The following JAZF1 variants were observed in gnomAD, a reference collection of about 807,000 sequenced individuals.
JAZF1 encodes juxtaposed with another zinc finger protein 1.
JAZF1 carries 8 observed loss-of-function variants against 26.4 expected under a neutral mutation model. The ratio of observed to expected loss-of-function variants is 0.30; its 90% CI spans 0.18 to 0.55. The LOEUF is 0.55. JAZF1 is among the 20% of genes least tolerant of loss of function. JAZF1 has a pLI of 0.94. For synonymous variants in JAZF1, 126 were observed against 122.3 expected (o/e 1.03, Z -0.20); for missense variants, 199 against 322.0 (o/e 0.62, Z 2.92).
At chr7:28,055,622 A>G (rs1399176123) in intron 1 of JAZF1, among the ~76,000 whole-genome samples, 1 of 152,224 alleles carries the variant, frequency 6.6e-6, no homozygotes, top group Non-Finnish European at 1.5e-5. Flanking sequence ...TAATGTTTTA[A>G]TATCATTTAC....
At chr7:28,172,398 G>T (rs1346264430) in intron 1 of JAZF1, among the ~76,000 whole-genome samples, 1 of 152,128 alleles carries the variant, frequency 6.6e-6, no homozygotes, top group Non-Finnish European at 1.5e-5. Flanking sequence ...CTCGTGCAAT[G>T]ACTAACTTTA....
At chr7:28,119,433 T>C (rs1164686851) in intron 1 of JAZF1, among the ~76,000 whole-genome samples, 1 of 152,130 alleles carries the variant, frequency 6.6e-6, no homozygotes, top group Non-Finnish European at 1.5e-5. Flanking sequence ...ACTGCAGGCA[T>C]CTTCTGACTC....
At chr7:28,045,859 C>T (rs182248409) in intron 1 of JAZF1, among the ~76,000 whole-genome samples, 1 of 152,290 alleles carries the variant, frequency 6.6e-6, no homozygotes, top group East Asian at 1.9e-4. Flanking sequence ...CAGGAATGAG[C>T]CACTGTGCCT....
At chr7:27,853,154 G>C (rs188869039) in intron 3 of JAZF1, among the ~76,000 whole-genome samples, 2 of 152,184 alleles carry the variant, frequency 1.3e-5, no homozygotes, top group Admixed American at 1.3e-4. Context: ...GGTATCTACT[G>C]ATTTCCTACT....
intron 1 of JAZF1, among the ~76,000 whole-genome samples, chr7:28,048,467 C>T (rs899081588): frequency 6.6e-6 from 1 of 152,112 alleles, no homozygotes; most frequent in African/African-American, 2.4e-5. Flanking sequence ...TTATTTTCAG[C>T]ACTTCTAAGT....
chr7:28,051,131 C>CAAAAAAA (rs775277755), intron 1 of JAZF1, among the ~76,000 whole-genome samples: 2 of 96,534 alleles, frequency 2.1e-5, no homozygotes, highest in East Asian at 3.6e-4. Flanking sequence ...GACTCCATCT[C>CAAAAAAA]AAAAAAAAAA....
intron 3 of JAZF1, among the ~76,000 whole-genome samples, chr7:27,885,008 T>C (rs1783834209): frequency 6.6e-6 from 1 of 152,206 alleles, no homozygotes; most frequent in African/African-American, 2.4e-5. Flanking sequence ...GGACATTCTC[T>C]GCTCTGCACA....
intron 2 of JAZF1, among the ~76,000 whole-genome samples, chr7:27,965,601 T>C (rs1378279812): frequency 7.9e-5 from 12 of 152,244 alleles, no homozygotes. Context: ...CATTTGAGCA[T>C]ATTCAGTAAA....
At position 27,840,328 on chromosome 7, in the gene JAZF1, C is replaced by T. The variant is rs549302777; in HGVS notation, c.555+370G>A. 1.3e-5 allele frequency among the ~76,000 whole-genome samples: 2 copies of T among 152,236 alleles called. No homozygotes were observed. The highest frequency in any genetic ancestry group is 4.8e-5 in the African/African-American group (2 of 41,466). ...CCCGTGAGCCATCTGTAGGGCCATCCGTTGGGGAAGGTGCTTGGCAAATAA... is the reference window on the plus strand; with the variant it reads ...CCCGTGAGCCATCTGTAGGGCCATCTGTTGGGGAAGGTGCTTGGCAAATAA... On this transcript the variant is annotated intron_variant, in intron 4 of 4. Coordinates refer to ENST00000283928, the MANE Select transcript of JAZF1 (RefSeq NM_175061.4). The surrounding 1 kb of genome is among the most constrained non-coding windows in gnomAD (Gnocchi z 5.1).
chr7:28,042,254 T>C (rs1450253623), intron 1 of JAZF1, among the ~76,000 whole-genome samples: 1 of 152,124 alleles, frequency 6.6e-6, no homozygotes, highest in East Asian at 1.9e-4. Context: ...CTGATTACCG[T>C]GCAGGGTGTG....
Position 27,920,651 on chromosome 7 carries a change from C to T in JAZF1, c.189-25235G>A, listed in dbSNP as rs953799533. Among the ~76,000 whole-genome samples the T allele has an allele frequency of 5.3e-5, 8 of 152,252 alleles. No homozygotes were observed. The East Asian group carries it at 1.3e-3, about 26-fold the overall frequency. On this transcript the variant is annotated intron_variant, in intron 2 of 4. Coordinates refer to ENST00000283928, the MANE Select transcript of JAZF1 (RefSeq NM_175061.4). ...GAATAAGACCCTCTTCTTTCCTGGC[C>T]AGCAGCAAGTGCCTCCAGCTGTCTG... is the stretch of plus-strand genomic sequence containing the variant.
intron 3 of JAZF1, among the ~76,000 whole-genome samples, chr7:27,874,861 A>G (rs1783648391): frequency 6.6e-6 from 1 of 152,138 alleles, no homozygotes; most frequent in South Asian, 2.1e-4. Flanking sequence ...AAAACAGAAA[A>G]CAAAGCAGTG....
chr7:27,880,954 C>T (rs1485174989), intron 3 of JAZF1, among the ~76,000 whole-genome samples: 3 of 152,192 alleles, frequency 2.0e-5, no homozygotes, highest in Non-Finnish European at 2.9e-5. Flanking sequence ...GGATTATAGG[C>T]GTGAGCCACT....
In JAZF1 at chr7:27,849,752, G is replaced by GACACAC. The variant is rs72394231; in HGVS notation, c.386-8891_386-8886dup. 3.4e-4 allele frequency among the ~76,000 whole-genome samples: 37 copies of GACACAC among 108,472 alleles called. No individual in the cohort carries two copies. In the South Asian group the frequency reaches 0.01, roughly 30 times the overall value. The allele number at this position is 108,472 out of a possible 152,430, so 71.2% of individuals were successfully genotyped here. ...ATCAATATTGGAACCCTTACACACA[G>GACACAC]ACACACACACACACACACACACCCC... On this transcript the variant is annotated intron_variant, in intron 3 of 4. Transcript: ENST00000283928.
intron 1 of JAZF1, among the ~76,000 whole-genome samples, chr7:28,085,214 A>T (rs1433284394): frequency 1.3e-5 from 2 of 152,368 alleles, no homozygotes; most frequent in Non-Finnish European, 1.5e-5. Flanking sequence ...TGTTGAGAAG[A>T]TCTGAAACAT....
At position 27,831,964 on chromosome 7, in the gene JAZF1, C is replaced by G; in HGVS notation, c.*836G>C. On this transcript the variant is annotated 3_prime_UTR_variant, in exon 5 of 5. Transcript: ENST00000283928. Reference sequence around the variant, plus strand: ...GCACTGAAGTATTTCAAAGTCTTTTCTAACAGATTTCAGGGAAAAAAGTAT... The same window carrying G: ...GCACTGAAGTATTTCAAAGTCTTTTGTAACAGATTTCAGGGAAAAAAGTAT... The G allele has an allele frequency of 4.5e-6, 1 of 220,220 alleles. No individual in the cohort carries two copies. Among genetic ancestry groups the G allele is most frequent in the Non-Finnish European group, 9.1e-6 (1 of 109,618 alleles). 13.6% of individuals were successfully genotyped at this position (220,220 alleles called of 1,614,324 possible). A position where few individuals can be genotyped will look rare whatever the true frequency, so the allele number is the denominator to read the frequency against.
intron 1 of JAZF1, among the ~76,000 whole-genome samples, chr7:28,149,818 T>C (rs1309467669): frequency 6.6e-6 from 1 of 152,232 alleles, no homozygotes. Context: ...CTCATTTTCT[T>C]CCCATTGTCT....
In JAZF1 at chr7:28,041,024, T is replaced by G. The variant is rs561852578; in HGVS notation, c.116-49043A>C. The stretch of plus-strand genomic sequence containing the variant: ...TTTCTATTACATAGATAACACAGTG[T>G]GCTCTCAAAGACACAAATTCTTTCA... On this transcript the variant is annotated intron_variant, in intron 1 of 4. Transcript: ENST00000283928. Among the ~76,000 whole-genome samples, 29 of 152,300 alleles carry G rather than the reference T, an allele frequency of 1.9e-4. No individual in the cohort carries two copies. The Middle Eastern group carries it at 0.01, about 54-fold the overall frequency.
chr7:27,972,022 CAG>C (rs1240426081), intron 2 of JAZF1, among the ~76,000 whole-genome samples: 1 of 151,820 alleles, frequency 6.6e-6, no homozygotes, highest in African/African-American at 2.4e-5. Context: ...TACTGTGTAA[CAG>C]TGTACAACCT....
Sources: gnomAD v4.1 joint callset for allele counts (sites outside exome capture counted in the v4.1 genomes callset) on GRCh38, gnomAD v4.1.1 for gene constraint, Gnocchi (gnomAD v3.1) non-coding constraint, MANE v1.5 for transcripts, NCBI Gene and HGNC (gene_info 2026-07-23, HGNC 2026-07-21) for gene names.